Variants in ANKRD44 observed in about 807,000 individuals in gnomAD.
ANKRD44 encodes the protein serine/threonine-protein phosphatase 6 regulatory ankyrin repeat subunit B.
A neutral mutation model predicts 116.0 loss-of-function variants in ANKRD44; 35 were observed. That is an observed-to-expected ratio of 0.30 (90% CI 0.23 to 0.40). The LOEUF (loss-of-function observed/expected upper bound fraction) is 0.40, where lower values mean the gene tolerates loss of function less well. Ranked by LOEUF, ANKRD44 falls within the 10% of genes least tolerant of loss-of-function variation. The pLI is 1.00. For synonymous variants in ANKRD44, 435 were observed against 461.8 expected (o/e 0.94, Z 0.74); for missense variants, 1,014 against 1,242.6 (o/e 0.82, Z 2.77).
At chr2:197,254,795 T>C (rs1431766691) in intron 1 of ANKRD44, among the ~76,000 whole-genome samples, 4 of 152,068 alleles carry the variant, frequency 2.6e-5, no homozygotes, top group African/African-American at 9.7e-5. Flanking sequence ...AACATCAAAA[T>C]CATGTTTCTT....
intron 1 of ANKRD44, among the ~76,000 whole-genome samples, chr2:197,218,751 CTTTTTTTTTTTTTT>C (rs138330364): frequency 3.8e-5 from 2 of 52,346 alleles, no homozygotes; most frequent in East Asian, 6.2e-4. Context: ...GGTAAAGTCC[CTTTTTTTTTTTTTT>C]TTTTTTTTTT....
At chr2:197,168,029 G>A (rs1023170743) in intron 2 of ANKRD44, among the ~76,000 whole-genome samples, 1 of 152,216 alleles carries the variant, frequency 6.6e-6, no homozygotes, top group African/African-American at 2.4e-5. Context: ...CCTGTCACAA[G>A]TTCAACAACC....
rs112857430 is a variant in ANKRD44 at position 197,017,584 on chromosome 2, T to G, written c.1723-3872A>C. On this transcript the variant is annotated intron_variant, in intron 17 of 27. Transcript: ENST00000282272. Reference sequence around the variant, plus strand: ...TTATAATAGGTAGTATAACAACTCATGCTGATGAATCCCAAAAGTATATCC... The same window carrying G: ...TTATAATAGGTAGTATAACAACTCAGGCTGATGAATCCCAAAAGTATATCC... Among the ~76,000 whole-genome samples the G allele has an allele frequency of 3.9e-3, 592 of 152,336 alleles. 1 individual carries two copies. Among genetic ancestry groups the G allele is most frequent in the African/African-American group, 0.011 (449 of 41,580 alleles).
At chr2:197,248,592 A>ATATATATATATATAT (rs1553539906) in intron 1 of ANKRD44, among the ~76,000 whole-genome samples, 3 of 149,558 alleles carry the variant, frequency 2.0e-5, no homozygotes, top group African/African-American at 7.4e-5. Flanking sequence ...ATATATATAT[A>ATATATATATATATAT]AAGAGAGAGA....
intron 4 of ANKRD44, among the ~76,000 whole-genome samples, chr2:197,131,852 T>C (rs893135545): frequency 6.6e-6 from 1 of 152,212 alleles, no homozygotes; most frequent in African/African-American, 2.4e-5. Context: ...AAACGTGCGT[T>C]AGACTTTCTG....
chr2:197,171,996 C>CTTTTTTTTTTTTT (rs1559122763), intron 2 of ANKRD44, among the ~76,000 whole-genome samples: 1 of 29,318 alleles, frequency 3.4e-5, no homozygotes. Flanking sequence ...CGTTATTTTT[C>CTTTTTTTTTTTTT]TTCTTTTTTT....
chr2:197,136,605 G>A lies in ANKRD44; in HGVS notation c.248C>T (p.Ala83Val). The change falls in exon 4 of 28, where the codon GCT becomes GTT. Residue 83 changes from alanine to valine, a missense_variant. Physicochemically the swap from Ala to Val is moderately conservative, Grantham distance 64. Coordinates refer to ENST00000282272, the MANE Select transcript of ANKRD44 (RefSeq NM_001195144.2). The stretch of plus-strand genomic sequence containing the variant: ...GTAATCACTCACTTCACTTCTGGAA[G>A]CAACAGCCCGGTGCAGTGGAGTCAG... ...MWLTPLHRAV[A>V]SRSEEAVQVL... 2 of 1,614,124 alleles carry A rather than the reference G, an allele frequency of 1.2e-6. No homozygotes were observed. The highest frequency in any genetic ancestry group is 1.7e-6 in the Non-Finnish European group (2 of 1,179,982).
chr2:197,013,748 C>T (rs542945693), intron 17 of ANKRD44, 36 bp from the exon 18 acceptor site: 16 of 1,608,604 alleles, frequency 9.9e-6, no homozygotes, highest in African/African-American at 4.0e-5. Context: ...CATGCTTGCT[C>T]GCTCACCTCA....
chr2:197,178,077 C>A (rs2080411175), intron 2 of ANKRD44, among the ~76,000 whole-genome samples: 1 of 152,146 alleles, frequency 6.6e-6, no homozygotes, highest in Admixed American at 6.5e-5. Context: ...ATGCATACTG[C>A]CAAACTGCCC....
At chr2:197,177,359 C>G (rs564068994) in intron 2 of ANKRD44, among the ~76,000 whole-genome samples, 1 of 152,200 alleles carries the variant, frequency 6.6e-6, no homozygotes, top group East Asian at 1.9e-4. Flanking sequence ...GGCAACAGGT[C>G]CCACCAACAC....
Position 197,083,350 on chromosome 2 carries a change from T to A in ANKRD44, c.1457+19A>T, listed in dbSNP as rs1444593278. 6.2e-7 allele frequency: 1 copy of A among 1,606,272 alleles called. No homozygotes were observed. Among genetic ancestry groups the A allele is most frequent in the Non-Finnish European group, 8.5e-7 (1 of 1,176,384 alleles). On this transcript the variant is annotated intron_variant, in intron 14 of 27. Transcript: ENST00000282272. ...CCCAACCCTGTTCCCAGAGGAAGCA[T>A]GAGCAAGGCTGTTTTTACTTTCTAT...
rs1553489098 is a variant in ANKRD44, at chr2:197,026,043, G to GAAACAA, written c.1651-782_1651-777dup. 1.7e-3 allele frequency among the ~76,000 whole-genome samples: 39 copies of GAAACAA among 22,734 alleles called. 1 individual carries two copies. In the South Asian group the frequency reaches 0.028, roughly 16 times the overall value. The allele number at this position is 22,734 out of a possible 152,430, so 14.9% of individuals were successfully genotyped here. A position where few individuals can be genotyped will look rare whatever the true frequency, so the allele number is the denominator to read the frequency against. ...GACTCAGAGAAGGGGGAGATAAAAA[G>GAAACAA]AAACAAAAAAAAAAAAAACACCTTT... is the stretch of plus-strand genomic sequence containing the variant. On this transcript the variant is annotated intron_variant, in intron 16 of 27. Coordinates refer to ENST00000282272, the MANE Select transcript of ANKRD44 (RefSeq NM_001195144.2).
chr2:196,998,523 C>T (rs1180572361), intron 24 of ANKRD44, 104 bp from the exon 25 acceptor site: 1 of 805,346 alleles, frequency 1.2e-6, no homozygotes, highest in African/African-American at 1.7e-5. Context: ...TAGTACAGTT[C>T]ACATAATCAT....
chr2:197,228,666 G>A (rs770782005), intron 1 of ANKRD44, among the ~76,000 whole-genome samples: 25 of 152,164 alleles, frequency 1.6e-4, no homozygotes, highest in African/African-American at 4.1e-4. Context: ...TAGGGTGGCC[G>A]GCAGGGATCC....
intron 1 of ANKRD44, among the ~76,000 whole-genome samples, chr2:197,209,443 T>C (rs1273178175): frequency 1.3e-5 from 2 of 152,082 alleles, no homozygotes; most frequent in Admixed American, 1.3e-4. Flanking sequence ...GCCTGACAAA[T>C]ATGTAGTCAG....
At chr2:197,057,164 A>G (rs985491950) in intron 16 of ANKRD44, among the ~76,000 whole-genome samples, 1 of 152,204 alleles carries the variant, frequency 6.6e-6, no homozygotes, top group Non-Finnish European at 1.5e-5. Context: ...TATCAGATTA[A>G]TGATGTTCCT....
In ANKRD44 at chr2:197,062,578, C is replaced by T. The variant is rs546788134; in HGVS notation, c.1650+16125G>A. Among the ~76,000 whole-genome samples, 40 of 152,306 alleles carry T rather than the reference C, an allele frequency of 2.6e-4. 1 individual carries two copies. Among genetic ancestry groups the T allele is most frequent in the Admixed American group, 5.9e-4 (9 of 15,306 alleles). On this transcript the variant is annotated intron_variant, in intron 16 of 27. Coordinates refer to ENST00000282272, the MANE Select transcript of ANKRD44 (RefSeq NM_001195144.2). The stretch of plus-strand genomic sequence containing the variant: ...GCAAGGGGTCAGGGAATTCCCTTTC[C>T]TACCCAAGGGAAGCACCTGGAAAAT...
intron 1 of ANKRD44, among the ~76,000 whole-genome samples, chr2:197,251,390 A>G (rs1269799454): frequency 1.3e-5 from 2 of 152,212 alleles, no homozygotes; most frequent in Non-Finnish European, 2.9e-5. Flanking sequence ...ACTAGGTCAA[A>G]GAGTCTGGAC....
At chr2:197,073,161 A>G (rs1226807799) in intron 16 of ANKRD44, among the ~76,000 whole-genome samples, 2 of 152,154 alleles carry the variant, frequency 1.3e-5, no homozygotes, top group Non-Finnish European at 2.9e-5. Context: ...AGGAAGACAC[A>G]TTAGGAGCAG....
Sources: allele counts gnomAD v4.1 joint callset (sites outside exome capture counted in the v4.1 genomes callset), GRCh38; gene constraint gnomAD v4.1.1; transcripts MANE v1.5; gene names NCBI Gene and HGNC (gene_info 2026-07-23, HGNC 2026-07-21).